The following SHISA6 variants were observed in gnomAD, a reference collection of about 807,000 sequenced individuals.
SHISA6 encodes shisa family member 6.
In SHISA6, 22 loss-of-function variants were observed where a neutral mutation model predicts 47.9. The ratio of observed to expected loss-of-function variants is 0.46; its 90% CI spans 0.33 to 0.66. The LOEUF is 0.66. Among genes scored for constraint, SHISA6 ranks in the 30% least tolerant of loss-of-function variants. The pLI is 0.02. For missense variants in SHISA6, 680 were observed against 764.6 expected, an observed-to-expected ratio of 0.89 and a Z score of 1.30; for synonymous variants, 388 against 337.8, an observed-to-expected ratio of 1.15 and a Z score of -1.63.
intron 2 of SHISA6, among the ~76,000 whole-genome samples, chr17:11,285,823 G>GTC (rs1210060287): frequency 4.8e-4 from 73 of 150,720 alleles, no homozygotes; most frequent in African/African-American, 1.5e-3. Context: ...GTGGCTCTGT[G>GTC]TCTCTCTCTC....
chr17:11,353,689 G>A (rs1406128096), intron 2 of SHISA6, among the ~76,000 whole-genome samples: 1 of 152,110 alleles, frequency 6.6e-6, no homozygotes, highest in Non-Finnish European at 1.5e-5. Context: ...TGTGCTCAGA[G>A]GACACTGTGA....
rs574990820 is a variant in SHISA6 at position 11,248,991 on chromosome 17, T to G, written c.638+6931T>G. ...CGTCTCTACTAAAAATACAAAAAATTAGCCGGGCTTGGTGGCGGCGCCTGT... is the reference window on the plus strand; with the variant it reads ...CGTCTCTACTAAAAATACAAAAAATGAGCCGGGCTTGGTGGCGGCGCCTGT... On this transcript the variant is annotated intron_variant, in intron 1 of 5. Transcript: ENST00000441885. Among the ~76,000 whole-genome samples the G allele has an allele frequency of 5.9e-5, 9 of 151,970 alleles. No individual in the cohort carries two copies. The South Asian group carries it at 1.7e-3, about 28-fold the overall frequency.
At chr17:11,245,661 CT>C (rs1384570744) in intron 1 of SHISA6, among the ~76,000 whole-genome samples, 2 of 131,862 alleles carry the variant, frequency 1.5e-5, no homozygotes, top group African/African-American at 5.6e-5. Context: ...TATTAGGATG[CT>C]GGAGACGCAG....
intron 3 of SHISA6, among the ~76,000 whole-genome samples, chr17:11,502,214 C>T (rs1158846735): frequency 6.7e-6 from 1 of 148,322 alleles, no homozygotes; most frequent in Non-Finnish European, 1.5e-5. Context: ...TCGAGACCAT[C>T]CTGGCTAACA....
At chr17:11,497,523 C>A (rs937861510) in intron 3 of SHISA6, among the ~76,000 whole-genome samples, 2 of 152,148 alleles carry the variant, frequency 1.3e-5, no homozygotes, top group Non-Finnish European at 2.9e-5. Context: ...AGGCCTCCCT[C>A]CTCGACACTT....
chr17:11,334,880 G>T (rs775479670), intron 2 of SHISA6, among the ~76,000 whole-genome samples: 3 of 152,188 alleles, frequency 2.0e-5, no homozygotes, highest in Non-Finnish European at 4.4e-5. Flanking sequence ...TGGAGGGTGT[G>T]TTATAGGGCC....
At chr17:11,457,012 C>G (rs939786368) in intron 3 of SHISA6, among the ~76,000 whole-genome samples, 1 of 152,202 alleles carries the variant, frequency 6.6e-6, no homozygotes, top group African/African-American at 2.4e-5. Flanking sequence ...ATCCAGTTCT[C>G]TGCTGTGCCG....
intron 2 of SHISA6, among the ~76,000 whole-genome samples, chr17:11,346,094 A>T (rs2142216631): frequency 6.6e-6 from 1 of 152,240 alleles, no homozygotes; most frequent in Non-Finnish European, 1.5e-5. Flanking sequence ...TTTTTCATAG[A>T]TGCTCTTTGC....
intron 1 of SHISA6, among the ~76,000 whole-genome samples, chr17:11,245,405 C>T (rs567346635): frequency 2.0e-5 from 3 of 152,198 alleles, no homozygotes; most frequent in Admixed American, 6.5e-5. Context: ...GACTGACTTC[C>T]GCACAGCTCC....
In SHISA6 at chr17:11,303,590, A is replaced by G. The variant is rs182467848; in HGVS notation, c.799+40064A>G. ...CTGCCATGAGGTGACGGGATTTTTT[A>G]CCTGTAGGAGAGCCACACAGAAAAA... On this transcript the variant is annotated intron_variant, in intron 2 of 5. Coordinates refer to ENST00000441885, the MANE Select transcript of SHISA6 (RefSeq NM_207386.4). 2.6e-5 allele frequency among the ~76,000 whole-genome samples: 4 copies of G among 152,084 alleles called. No individual in the cohort carries two copies. The East Asian group carries it at 7.8e-4, about 29-fold the overall frequency.
chr17:11,533,595 T>A (rs868155093), intron 3 of SHISA6, among the ~76,000 whole-genome samples: 2,726 of 141,360 alleles, frequency 0.019, 89 homozygotes, highest in African/African-American at 0.066. Flanking sequence ...TTATTTTTTT[T>A]TTTTTTTTTT....
intron 2 of SHISA6, among the ~76,000 whole-genome samples, chr17:11,266,809 G>A (rs1908441519): frequency 6.6e-6 from 1 of 152,198 alleles, no homozygotes; most frequent in Non-Finnish European, 1.5e-5. Flanking sequence ...GAAGGTCCCT[G>A]GACTCAAGCC....
rs376077948 is a variant in SHISA6, at chr17:11,468,533, G to A, written c.896-83363G>A. ...GAACACTAATCTTAGGAGAAGGGGGGCTCTGGTACCTGGGGATTATTCCTG... is the reference window on the plus strand; with the variant it reads ...GAACACTAATCTTAGGAGAAGGGGGACTCTGGTACCTGGGGATTATTCCTG... On this transcript the variant is annotated intron_variant, in intron 3 of 5. Transcript: ENST00000441885. 3.2e-3 allele frequency among the ~76,000 whole-genome samples: 480 copies of A among 152,198 alleles called. 2 individuals carry two copies. The highest frequency in any genetic ancestry group is 0.011 in the African/African-American group (459 of 41,556).
intron 3 of SHISA6, among the ~76,000 whole-genome samples, chr17:11,464,939 TAAAA>T (rs10706598): frequency 2.8e-5 from 4 of 145,176 alleles, no homozygotes; most frequent in Admixed American, 6.8e-5. Context: ...CAAAACTGAT[TAAAA>T]AAAAAAAAAA....
At chr17:11,533,615 T>C (rs1355643487) in intron 3 of SHISA6, among the ~76,000 whole-genome samples, 6 of 118,512 alleles carry the variant, frequency 5.1e-5, no homozygotes, top group African/African-American at 1.9e-4. Context: ...TTTTTTGAGA[T>C]GGAGTCTCGC....
chr17:11,542,440 A>T (rs996546794), intron 3 of SHISA6, among the ~76,000 whole-genome samples: 1 of 152,210 alleles, frequency 6.6e-6, no homozygotes, highest in Non-Finnish European at 1.5e-5. Flanking sequence ...AGACTGAGAA[A>T]ATTATTTGCT....
At chr17:11,544,474 G>C (rs1262509290) in intron 3 of SHISA6, among the ~76,000 whole-genome samples, 2 of 151,932 alleles carry the variant, frequency 1.3e-5, no homozygotes, top group African/African-American at 4.8e-5. Flanking sequence ...TAGCCATAAG[G>C]GAAATGCACA....
intron 3 of SHISA6, among the ~76,000 whole-genome samples, chr17:11,420,002 G>A (rs779595573): frequency 7.2e-5 from 11 of 152,224 alleles, no homozygotes; most frequent in Middle Eastern, 6.8e-3. Flanking sequence ...TCAGGAGTTC[G>A]AGACCAGCCT....
chr17:11,518,686 C>G (rs2071605052), intron 3 of SHISA6, among the ~76,000 whole-genome samples: 2 of 152,120 alleles, frequency 1.3e-5, no homozygotes, highest in South Asian at 4.1e-4. Context: ...ACTACAGATG[C>G]CCAGACCCCA....
Sources: allele counts gnomAD v4.1 joint callset (sites outside exome capture counted in the v4.1 genomes callset), GRCh38; gene constraint gnomAD v4.1.1; transcripts MANE v1.5; gene names NCBI Gene and HGNC (gene_info 2026-07-23, HGNC 2026-07-21).